The following AFF2 variants were observed in gnomAD, a reference collection of about 807,000 sequenced individuals.
The protein encoded by AFF2 is ALF transcription elongation factor 2.
AFF2 carries 14 observed loss-of-function variants against 76.9 expected under a neutral mutation model. The observed-to-expected ratio is 0.18, with a 90% CI of 0.12 to 0.28. The LOEUF (loss-of-function observed/expected upper bound fraction) is 0.28, where lower values mean the gene tolerates loss of function less well. AFF2 is among the 10% of genes least tolerant of loss of function. The probability of loss-of-function intolerance (pLI) is 1.00; values close to 1 mark genes in which losing one functional copy is unlikely to be tolerated. For missense variants in AFF2, 868 were observed against 1,001.1 expected (o/e 0.87, Z 1.79); for synonymous variants, 398 against 366.7 (o/e 1.09, Z -0.98).
At position 148,537,687 on chromosome X, in the gene AFF2, C is replaced by T. The variant is rs781816154; in HGVS notation, c.47+36543C>T. On this transcript the variant is annotated intron_variant, in intron 1 of 20. Transcript: ENST00000370460. Reference sequence around the variant, plus strand: ...ACCGAGATCCATTCACTGTCAATCCCCTGGCTGCATGTGTTACTTTTCCTC... The same window carrying T: ...ACCGAGATCCATTCACTGTCAATCCTCTGGCTGCATGTGTTACTTTTCCTC... 1.5e-4 allele frequency among the ~76,000 whole-genome samples: 16 copies of T among 110,199 alleles called. 1 individual carries two copies. The highest frequency in any genetic ancestry group is 5.3e-4 in the African/African-American group (16 of 30,322).
chrX:148,762,363 G>A (rs782041551), intron 3 of AFF2, among the ~76,000 whole-genome samples: 7 of 102,737 alleles, frequency 6.8e-5, no homozygotes, highest in Admixed American at 3.1e-4. Flanking sequence ...AGGTAGCTGC[G>A]AATGCCATTA....
At chrX:148,913,064 C>T (rs1191586877) in intron 9 of AFF2, among the ~76,000 whole-genome samples, 1 of 113,028 alleles carries the variant, frequency 8.8e-6, no homozygotes, top group East Asian at 2.8e-4. Context: ...CAGATAGACA[C>T]AGTTGGATGC....
rs1557279552 is a variant in AFF2 at position 148,889,926 on chromosome X, A to C, written c.1359+3941A>C. Among the ~76,000 whole-genome samples the C allele has an allele frequency of 2.7e-5, 3 of 112,216 alleles. No individual in the cohort carries two copies. The East Asian group carries it at 8.5e-4, about 32-fold the overall frequency. On this transcript the variant is annotated intron_variant, in intron 8 of 20. Transcript: ENST00000370460. ...GGCAAAAGCACCTGATGCTATGCTT[A>C]GCACATAGTAAGTACTCACCACTTT...
rs782583433 is a variant in AFF2, at chrX:148,892,057, T to C, written c.1359+6072T>C. Among the ~76,000 whole-genome samples, 3 of 111,847 alleles carry C rather than the reference T, an allele frequency of 2.7e-5. No homozygotes were observed. In the South Asian group the frequency reaches 1.1e-3, roughly 42 times the overall value. ...AAACAGAACTGAACCATTAAAATTT[T>C]CTTTGAACACAAAACATTCTAATGT... On this transcript the variant is annotated intron_variant, in intron 8 of 20. Transcript: ENST00000370460.
chrX:148,818,316 C>G (rs1557272313), intron 4 of AFF2, among the ~76,000 whole-genome samples: 1 of 111,845 alleles, frequency 8.9e-6, no homozygotes, highest in Non-Finnish European at 1.9e-5. Context: ...AAGCAAGCAA[C>G]TATAAGATGT....
intron 3 of AFF2, among the ~76,000 whole-genome samples, chrX:148,674,317 C>T (rs782795640): frequency 1.8e-5 from 2 of 112,092 alleles, no homozygotes; most frequent in Non-Finnish European, 3.8e-5. Context: ...GTTTGCTGAC[C>T]CCTGGGCTAG....
chrX:148,620,497 C>T (rs2053855517), intron 1 of AFF2, among the ~76,000 whole-genome samples: 2 of 109,443 alleles, frequency 1.8e-5, no homozygotes, highest in Admixed American at 2.0e-4. Flanking sequence ...ATTTCTGAAT[C>T]CTTCATTATG....
At chrX:148,879,407 C>T (rs1339960143) in intron 7 of AFF2, among the ~76,000 whole-genome samples, 1 of 111,868 alleles carries the variant, frequency 8.9e-6, no homozygotes, top group Non-Finnish European at 1.9e-5. Context: ...AGCTTTGTTC[C>T]TGCAAATCCC....
intron 1 of AFF2, among the ~76,000 whole-genome samples, chrX:148,593,796 A>G (rs1265576614): frequency 1.8e-5 from 2 of 111,802 alleles, no homozygotes; most frequent in Non-Finnish European, 3.8e-5. Context: ...AAATAATTTG[A>G]GAGTACTGTA....
At chrX:148,635,455 A>G (rs1557253658) in intron 1 of AFF2, among the ~76,000 whole-genome samples, 1 of 111,948 alleles carries the variant, frequency 8.9e-6, no homozygotes, top group African/African-American at 3.2e-5. Context: ...CCTATTTCAG[A>G]CTTCCTACTT....
intron 3 of AFF2, among the ~76,000 whole-genome samples, chrX:148,701,064 T>C (rs889596530): frequency 3.7e-4 from 39 of 104,908 alleles, no homozygotes; most frequent in African/African-American, 1.3e-3. Flanking sequence ...TTTGTGCCCA[T>C]GTGCACATGT....
Position 148,505,687 on chromosome X carries a change from A to G in AFF2, c.47+4543A>G, listed in dbSNP as rs1379628610. Among the ~76,000 whole-genome samples the G allele has an allele frequency of 2.7e-5, 3 of 111,876 alleles. No individual in the cohort carries two copies. The Admixed American group carries it at 2.8e-4, about 11-fold the overall frequency. On this transcript the variant is annotated intron_variant, in intron 1 of 20. Coordinates refer to ENST00000370460, the MANE Select transcript of AFF2 (RefSeq NM_002025.4). ...GTCCAATGAAATGGCCTTCTCTGGA[A>G]CAATTTAGAGCTGTGGCCTTAAGAG...
At position 148,646,289 on chromosome X, in the gene AFF2, G is replaced by A. The variant is rs782690084; in HGVS notation, c.48-5710G>A. 2.7e-5 allele frequency among the ~76,000 whole-genome samples: 3 copies of A among 111,919 alleles called. No individual in the cohort carries two copies. The South Asian group carries it at 1.1e-3, about 41-fold the overall frequency. ...TTGTACACTTTAAATGGGTGAAATT[G>A]TAGCTATATTAGTTATATCTCAATC... On this transcript the variant is annotated intron_variant, in intron 1 of 20. Coordinates refer to ENST00000370460, the MANE Select transcript of AFF2 (RefSeq NM_002025.4).
chrX:148,604,375 A>G (rs1470572251), intron 1 of AFF2, among the ~76,000 whole-genome samples: 1 of 112,698 alleles, frequency 8.9e-6, no homozygotes, highest in Non-Finnish European at 1.9e-5. Flanking sequence ...ACTTTCATCT[A>G]GAAATTTTAG....
chrX:148,826,211 G>C (rs2070386244), intron 4 of AFF2, among the ~76,000 whole-genome samples: 1 of 79,740 alleles, frequency 1.3e-5, no homozygotes, highest in African/African-American at 4.9e-5. Flanking sequence ...TTCTCAGAGG[G>C]TTATTAGGGA....
chrX:148,628,374 A>C (rs2053948661), intron 1 of AFF2, among the ~76,000 whole-genome samples: 2 of 111,593 alleles, frequency 1.8e-5, no homozygotes, highest in Non-Finnish European at 3.8e-5. Context: ...GAGTCTATGG[A>C]GATAACTGGG....
intron 3 of AFF2, among the ~76,000 whole-genome samples, chrX:148,721,308 A>G (rs1226363155): frequency 5.4e-5 from 6 of 112,133 alleles, no homozygotes; most frequent in African/African-American, 1.9e-4. Context: ...GAGTGGGCCA[A>G]CACTGGCTCT....
intron 1 of AFF2, among the ~76,000 whole-genome samples, chrX:148,623,435 G>T (rs1032886702): frequency 2.7e-5 from 3 of 110,682 alleles, no homozygotes; most frequent in Admixed American, 9.7e-5. Context: ...ATTCCACTGT[G>T]CCTAGCTTAG....
Position 148,606,759 on chromosome X carries a change from C to T in AFF2, c.48-45240C>T, listed in dbSNP as rs782474266. On this transcript the variant is annotated intron_variant, in intron 1 of 20. Coordinates refer to ENST00000370460, the MANE Select transcript of AFF2 (RefSeq NM_002025.4). The stretch of plus-strand genomic sequence containing the variant: ...GTAGGCACTTCAGGACTTTGCAATA[C>T]CTCTGGATCATGATTATAAACGTCA... 4.5e-5 allele frequency among the ~76,000 whole-genome samples: 5 copies of T among 111,651 alleles called. 1 individual carries two copies. In the Admixed American group the frequency reaches 4.7e-4, roughly 11 times the overall value.
Sources: allele counts gnomAD v4.1 joint callset (sites outside exome capture counted in the v4.1 genomes callset), GRCh38; gene constraint gnomAD v4.1.1; transcripts MANE v1.5; gene names NCBI Gene and HGNC (gene_info 2026-07-23, HGNC 2026-07-21).